The following CNTNAP5 variants were observed in gnomAD, a reference collection of about 807,000 sequenced individuals.
The protein encoded by CNTNAP5 is contactin associated protein family member 5.
CNTNAP5 carries 72 observed loss-of-function variants against 150.2 expected under a neutral mutation model. The observed-to-expected ratio is 0.48, with a 90% CI of 0.40 to 0.58. CNTNAP5 has a LOEUF of 0.58. CNTNAP5 is among the 20% of genes least tolerant of loss of function. The probability of loss-of-function intolerance (pLI) is 0.00; values close to 1 mark genes in which losing one functional copy is unlikely to be tolerated. For synonymous variants in CNTNAP5, 672 were observed against 619.8 expected (o/e 1.08, Z -1.25); for missense variants, 1,636 against 1,626.2 (o/e 1.01, Z -0.10).
chr2:124,384,608 T>C (rs1690883338), intron 3 of CNTNAP5, among the ~76,000 whole-genome samples: 2 of 152,214 alleles, frequency 1.3e-5, no homozygotes, highest in Admixed American at 1.3e-4. Context: ...AAAAGTAAGT[T>C]AGATTTTTGA....
Position 124,919,404 on chromosome 2 carries a change from T to C in CNTNAP5, c.*5116T>C, listed in dbSNP as rs1678830138. ...CTTTGTAAGCTAGATGTCTGTCTTA[T>C]GTAATGTTTATAGTCTACAAAATGG... is the stretch of plus-strand genomic sequence containing the variant. On this transcript the variant is annotated 3_prime_UTR_variant, in exon 24 of 24. Coordinates refer to ENST00000682447, the MANE Select transcript of CNTNAP5 (RefSeq NM_001367498.1). Among the ~76,000 whole-genome samples the C allele has an allele frequency of 6.6e-6, 1 of 152,146 alleles. No individual in the cohort carries two copies. Among genetic ancestry groups the C allele is most frequent in the African/African-American group, 2.4e-5 (1 of 41,448 alleles).
At chr2:124,859,143 T>G (rs568444620) in intron 19 of CNTNAP5, among the ~76,000 whole-genome samples, 2,387 of 151,852 alleles carry the variant, frequency 0.016, 52 homozygotes, top group African/African-American at 0.055. Context: ...GGGAGAAAAT[T>G]TTTGCAATCT....
chr2:124,915,563 G>A lies in CNTNAP5; in HGVS notation c.*1275G>A, dbSNP rs1678749776. On this transcript the variant is annotated 3_prime_UTR_variant, in exon 24 of 24. Coordinates refer to ENST00000682447, the MANE Select transcript of CNTNAP5 (RefSeq NM_001367498.1). ...AGCTAACTAGCATTGCTTGATTTCA[G>A]AGGAGCCCTTAGGTTCTGTAGCATA... Among the ~76,000 whole-genome samples, 1 of 152,026 alleles carries A rather than the reference G, an allele frequency of 6.6e-6. No individual in the cohort carries two copies. The highest frequency in any genetic ancestry group is 2.1e-4 in the South Asian group (1 of 4,826).
intron 16 of CNTNAP5, 150 bp from the exon 17 acceptor site, chr2:124,772,649 A>G (rs995970041): frequency 3.2e-6 from 2 of 630,462 alleles, no homozygotes; most frequent in Middle Eastern, 4.3e-4. Flanking sequence ...GGTAGCTGTT[A>G]CTATTAATGG....
chr2:124,107,084 C>T (rs1388700648), intron 1 of CNTNAP5, among the ~76,000 whole-genome samples: 1 of 152,186 alleles, frequency 6.6e-6, no homozygotes, highest in Non-Finnish European at 1.5e-5. Flanking sequence ...CATCCAACCA[C>T]GTAGGCAGGA....
intron 1 of CNTNAP5, among the ~76,000 whole-genome samples, chr2:124,032,741 G>A (rs62161933): frequency 6.6e-6 from 1 of 152,090 alleles, no homozygotes; most frequent in Non-Finnish European, 1.5e-5. Flanking sequence ...CAAATGAGAG[G>A]GATAGATGCT....
chr2:124,610,941 C>T (rs934265188), intron 12 of CNTNAP5, among the ~76,000 whole-genome samples: 20 of 113,920 alleles, frequency 1.8e-4, no homozygotes, highest in Admixed American at 1.5e-3. Context: ...TGCGACAGGG[C>T]GAGACACCGT....
chr2:124,495,489 A>C (rs573851558), intron 7 of CNTNAP5, among the ~76,000 whole-genome samples: 2 of 152,352 alleles, frequency 1.3e-5, no homozygotes, highest in East Asian at 3.9e-4. Flanking sequence ...TTCCCTGTTT[A>C]CTGGTGCCTG....
At chr2:124,768,359 AAGAG>A (rs1307269221) in intron 16 of CNTNAP5, among the ~76,000 whole-genome samples, 7 of 148,734 alleles carry the variant, frequency 4.7e-5, no homozygotes, top group Non-Finnish European at 9.0e-5. Flanking sequence ...AGAGAAAAGA[AAGAG>A]AGAAAGATTT....
At chr2:124,742,420 T>G (rs1680514330) in intron 13 of CNTNAP5, among the ~76,000 whole-genome samples, 1 of 152,118 alleles carries the variant, frequency 6.6e-6, no homozygotes, top group South Asian at 2.1e-4. Context: ...AACACACTCA[T>G]GGTTATCCCC....
intron 13 of CNTNAP5, among the ~76,000 whole-genome samples, chr2:124,735,741 G>A (rs1184644524): frequency 2.6e-5 from 4 of 152,038 alleles, no homozygotes; most frequent in South Asian, 2.1e-4. Context: ...TTTATTTTCT[G>A]TGTGATTTTG....
At chr2:124,193,619 T>C (rs923244840) in intron 1 of CNTNAP5, among the ~76,000 whole-genome samples, 3 of 152,214 alleles carry the variant, frequency 2.0e-5, no homozygotes, top group African/African-American at 7.2e-5. Context: ...CACCTTGTTA[T>C]GATATAAACA....
intron 1 of CNTNAP5, among the ~76,000 whole-genome samples, chr2:124,032,481 A>C (rs1320605831): frequency 6.6e-6 from 1 of 152,196 alleles, no homozygotes; most frequent in East Asian, 1.9e-4. Context: ...GTGGCAAGAA[A>C]ACCAGTTAAG....
chr2:124,188,427 AAG>A (rs1685381033), intron 1 of CNTNAP5, among the ~76,000 whole-genome samples: 1 of 152,116 alleles, frequency 6.6e-6, no homozygotes, highest in Admixed American at 6.5e-5. Context: ...AAGGAACAAA[AAG>A]AAAGAAGGGG....
At chr2:124,832,556 G>C (rs1323194820) in intron 19 of CNTNAP5, among the ~76,000 whole-genome samples, 2 of 152,078 alleles carry the variant, frequency 1.3e-5, no homozygotes, top group Non-Finnish European at 2.9e-5. Flanking sequence ...AATGGAGGCT[G>C]TGGACCAAAA....
chr2:124,768,709 CTCTG>C (rs1432842928), intron 16 of CNTNAP5, among the ~76,000 whole-genome samples: 1 of 152,076 alleles, frequency 6.6e-6, no homozygotes, highest in Non-Finnish European at 1.5e-5. Flanking sequence ...ACCCACCCAG[CTCTG>C]TCTGACTCCT....
intron 1 of CNTNAP5, among the ~76,000 whole-genome samples, chr2:124,082,222 G>T (rs548753801): frequency 6.6e-6 from 1 of 151,766 alleles, no homozygotes; most frequent in Non-Finnish European, 1.5e-5. Context: ...GGTGGCAGGC[G>T]CCTGTAGTCC....
rs544546821 is a variant in CNTNAP5 at position 124,033,753 on chromosome 2, C to T, written c.82+8021C>T. ...TCCATCCAACTCTGTCCCCAAACAA[C>T]CCTTCTGCTAACTCCATTAATCTCC... On this transcript the variant is annotated intron_variant, in intron 1 of 23. Coordinates refer to ENST00000682447, the MANE Select transcript of CNTNAP5 (RefSeq NM_001367498.1). Among the ~76,000 whole-genome samples, 3 of 152,302 alleles carry T rather than the reference C, an allele frequency of 2.0e-5. No individual in the cohort carries two copies. In the South Asian group the frequency reaches 6.2e-4, roughly 32 times the overall value.
chr2:124,669,045 ACCCT>A (rs1260816294), intron 13 of CNTNAP5, among the ~76,000 whole-genome samples: 2 of 152,126 alleles, frequency 1.3e-5, no homozygotes, highest in East Asian at 3.9e-4. Flanking sequence ...TGTGAAGCCC[ACCCT>A]GATTTATTCA....
Sources: allele counts gnomAD v4.1 joint callset (sites outside exome capture counted in the v4.1 genomes callset), GRCh38; gene constraint gnomAD v4.1.1; transcripts MANE v1.5; gene names NCBI Gene and HGNC (gene_info 2026-07-23, HGNC 2026-07-21).